SEMA4D: variants seen among roughly 807,000 people sequenced by gnomAD.
The protein encoded by SEMA4D is semaphorin 4D.
In SEMA4D, 22 loss-of-function variants were observed where a neutral mutation model predicts 74.8. The ratio of observed to expected loss-of-function variants is 0.29; its 90% CI spans 0.21 to 0.42. The LOEUF (loss-of-function observed/expected upper bound fraction) is 0.42, where lower values mean the gene tolerates loss of function less well. Among genes scored for constraint, SEMA4D ranks in the 10% least tolerant of loss-of-function variants. SEMA4D has a pLI of 1.00. For synonymous variants in SEMA4D, 445 were observed against 463.7 expected (o/e 0.96, Z 0.52); for missense variants, 937 against 1,118.4 (o/e 0.84, Z 2.31).
Position 89,405,621 on chromosome 9 carries a change from C to T in SEMA4D, c.-165G>A. The T allele has an allele frequency of 7.0e-7, 1 of 1,438,010 alleles. No individual in the cohort carries two copies. The highest frequency in any genetic ancestry group is 2.7e-5 in the Admixed American group (1 of 36,826). The allele number at this position is 1,438,010 out of a possible 1,614,324, so 89.1% of individuals were successfully genotyped here. ...CCCTGAGAATCCACATTTCCCAGTT[C>T]TCCAGGTGAGGAGGGGTCGCTCTCA... On this transcript the variant is annotated 5_prime_UTR_variant, in exon 3 of 16. Transcript: ENST00000422704.
At chr9:89,363,065 C>T (rs1832953069) in intron 18 of SEMA4D, among the ~76,000 whole-genome samples, 1 of 152,214 alleles carries the variant, frequency 6.6e-6, no homozygotes, top group African/African-American at 2.4e-5. Context: ...GAGGGTTCCC[C>T]ATCTGTCCAG....
chr9:89,431,715 T>TGGCC (rs1849315463), intron 2 of SEMA4D, among the ~76,000 whole-genome samples: 1 of 152,010 alleles, frequency 6.6e-6, no homozygotes, highest in Non-Finnish European at 1.5e-5. Context: ...CCAGGCTGGC[T>TGGCC]TTGAATTCCT....
At chr9:89,406,960 A>T (rs1482963424) in intron 2 of SEMA4D, among the ~76,000 whole-genome samples, 1 of 82,366 alleles carries the variant, frequency 1.2e-5, no homozygotes, top group Admixed American at 1.3e-4. Flanking sequence ...CTCTAACCCC[A>T]CCCCCACCCC....
Position 89,488,352 on chromosome 9 carries a change from C to CTTTTTTTTTTTT in SEMA4D, c.-310+9555_-310+9566dup, listed in dbSNP as rs1158168446. Among the ~76,000 whole-genome samples the CTTTTTTTTTTTT allele has an allele frequency of 4.0e-4, 25 of 62,618 alleles. 6 individuals carry two copies. The highest frequency in any genetic ancestry group is 5.9e-4 in the Non-Finnish European group (21 of 35,768). 41.1% of individuals were successfully genotyped at this position (62,618 alleles called of 152,430 possible). A position where few individuals can be genotyped will look rare whatever the true frequency, so the allele number is the denominator to read the frequency against. On this transcript the variant is annotated intron_variant, in intron 1 of 15. Coordinates refer to ENST00000422704, the MANE Select transcript of SEMA4D (RefSeq NM_001371194.2). ...AATTAACTCGAAATGGATCACAGAT[C>CTTTTTTTTTTTT]TTTTTTTTTTTTTTTTTTTTTTTTT...
At chr9:89,368,722 C>G (rs1246156053) in intron 16 of SEMA4D, 1 of 152,348 alleles carries the variant, frequency 6.6e-6, no homozygotes, top group African/African-American at 2.4e-5. Flanking sequence ...CTCTGGTATG[C>G]TCTAGACCAC....
At chr9:89,462,684 C>T (rs1380665176) in intron 1 of SEMA4D, among the ~76,000 whole-genome samples, 1 of 151,936 alleles carries the variant, frequency 6.6e-6, no homozygotes, top group Non-Finnish European at 1.5e-5. Flanking sequence ...GGGGCTCGTG[C>T]CTGTAATCCC....
intron 1 of SEMA4D, among the ~76,000 whole-genome samples, chr9:89,460,069 C>T (rs1233346581): frequency 6.6e-6 from 1 of 152,224 alleles, no homozygotes; most frequent in Non-Finnish European, 1.5e-5. Flanking sequence ...ACACAGAAAC[C>T]CACCAACGCC....
chr9:89,409,046 G>C (rs1843935513), intron 2 of SEMA4D, among the ~76,000 whole-genome samples: 1 of 152,184 alleles, frequency 6.6e-6, no homozygotes, highest in Non-Finnish European at 1.5e-5. Context: ...AGGGGCAGGC[G>C]AGTGGGTATA....
intron 17 of SEMA4D, chr9:89,363,701 A>G: frequency 1.3e-6 from 2 of 1,598,742 alleles, no homozygotes; most frequent in Non-Finnish European, 1.7e-6. Context: ...GTGAAAAATT[A>G]CCTCATAAAA....
At chr9:89,474,609 G>A (rs895297613) in intron 1 of SEMA4D, among the ~76,000 whole-genome samples, 4 of 152,084 alleles carry the variant, frequency 2.6e-5, no homozygotes, top group Non-Finnish European at 5.9e-5. Context: ...CTTCATTATC[G>A]TTTTCAAGCC....
intron 2 of SEMA4D, among the ~76,000 whole-genome samples, chr9:89,430,020 T>G (rs1328569512): frequency 2.0e-5 from 3 of 151,818 alleles, no homozygotes; most frequent in Non-Finnish European, 4.4e-5. Flanking sequence ...AGCTGCTGCT[T>G]AACCCTGACG....
At chr9:89,424,012 C>T (rs1006154610) in intron 2 of SEMA4D, among the ~76,000 whole-genome samples, 4 of 148,974 alleles carry the variant, frequency 2.7e-5, no homozygotes, top group African/African-American at 9.9e-5. Context: ...CCCTCCCTCC[C>T]TACTCCCTCA....
chr9:89,372,370 T>G, downstream of SEMA4D, among the ~76,000 whole-genome samples: 1 of 101,128 alleles, frequency 9.9e-6, no homozygotes, highest in African/African-American at 4.0e-5. Context: ...GTCTGGGATG[T>G]GGTGTCTGGG....
intron 2 of SEMA4D, among the ~76,000 whole-genome samples, chr9:89,445,843 G>A (rs1356316715): frequency 6.6e-6 from 1 of 152,136 alleles, no homozygotes; most frequent in Admixed American, 6.5e-5. Context: ...GCCATACCCA[G>A]GCCTCAGGCG....
Position 89,378,908 on chromosome 9 carries a change from C to T in SEMA4D, c.2385G>A (p.Glu795=). 6.2e-7 allele frequency: 1 copy of T among 1,614,212 alleles called. No individual in the cohort carries two copies. The highest frequency in any genetic ancestry group is 8.5e-7 in the Non-Finnish European group (1 of 1,180,038). The change falls in exon 16 of 16, where the codon GAG becomes GAA. Residue 795 remains glutamate (E), a synonymous_variant. Coordinates refer to ENST00000422704, the MANE Select transcript of SEMA4D (RefSeq NM_001371194.2). The part of the protein sequence containing the change: ...REQSLKETLV[E]PGSFSQQNGE... ...CATTCTGCTGGGAGAAGCTCCCTGG[C>T]TCTACTAACGTCTCCTTCAGGCTCT...
In SEMA4D at chr9:89,430,895, T is replaced by G. The variant is rs185690222; in HGVS notation, c.-244+24993A>C. ...AAGAGGCTGAGGCAGGAGAATCGCTTGAACCCGGGAGGCGGAGGCTGCAGT... is the reference window on the plus strand; with the variant it reads ...AAGAGGCTGAGGCAGGAGAATCGCTGGAACCCGGGAGGCGGAGGCTGCAGT... On this transcript the variant is annotated intron_variant, in intron 2 of 15. Coordinates refer to ENST00000422704, the MANE Select transcript of SEMA4D (RefSeq NM_001371194.2). Among the ~76,000 whole-genome samples, 616 of 152,272 alleles carry G rather than the reference T, an allele frequency of 4.0e-3. 10 individuals are homozygous for G. Among genetic ancestry groups the G allele is most frequent in the East Asian group, 0.018 (95 of 5,170 alleles).
At chr9:89,420,809 T>C (rs1428509425) in intron 2 of SEMA4D, among the ~76,000 whole-genome samples, 1 of 152,230 alleles carries the variant, frequency 6.6e-6, no homozygotes. Flanking sequence ...TGGGCCTCTG[T>C]TTCCTTATCC....
intron 9 of SEMA4D, among the ~76,000 whole-genome samples, chr9:89,391,057 G>A (rs1205998701): frequency 1.3e-5 from 2 of 152,248 alleles, no homozygotes; most frequent in Admixed American, 6.5e-5. Context: ...CTGAGAAGAG[G>A]AGGCTAATGG....
chr9:89,377,203 C>T, downstream of SEMA4D: 6 of 1,170,666 alleles, frequency 5.1e-6, no homozygotes, highest in East Asian at 2.7e-5. Flanking sequence ...CGGGAGGCTG[C>T]ACAGCCTCCG....
Sources: allele counts gnomAD v4.1 joint callset (sites outside exome capture counted in the v4.1 genomes callset), GRCh38; gene constraint gnomAD v4.1.1; transcripts MANE v1.5; gene names NCBI Gene and HGNC (gene_info 2026-07-23, HGNC 2026-07-21).